Variants in PTK2 observed in about 807,000 individuals in gnomAD.
PTK2 encodes focal adhesion kinase 1.
Under a neutral mutation model 150.1 loss-of-function variants are expected in PTK2, and 45 were observed. The ratio of observed to expected loss-of-function variants is 0.30; its 90% CI spans 0.24 to 0.38. PTK2 has a LOEUF of 0.38. Ranked by LOEUF, PTK2 falls within the 10% of genes least tolerant of loss-of-function variation. The pLI is 1.00. For missense variants in PTK2, 919 were observed against 1,307.3 expected (o/e 0.70, Z 4.58); for synonymous variants, 432 against 449.2 (o/e 0.96, Z 0.48).
intron 10 of PTK2, among the ~76,000 whole-genome samples, chr8:140,815,689 A>C (rs1250691875): frequency 6.6e-6 from 1 of 152,144 alleles, no homozygotes; most frequent in African/African-American, 2.4e-5. Context: ...TAGTTGCAAA[A>C]ATTCTACAAA....
intron 1 of PTK2, among the ~76,000 whole-genome samples, chr8:140,942,748 A>G (rs1255357387): frequency 6.6e-6 from 1 of 152,202 alleles, no homozygotes; most frequent in Non-Finnish European, 1.5e-5. Flanking sequence ...AACGTGCACA[A>G]TAAAAACATC....
chr8:140,717,259 A>C (rs1472886983), intron 23 of PTK2, among the ~76,000 whole-genome samples: 1 of 152,234 alleles, frequency 6.6e-6, no homozygotes, highest in Admixed American at 6.5e-5. Context: ...CTAGTCTGGT[A>C]TTTTAATCCA....
chr8:140,748,116 T>C (rs2100060521), intron 17 of PTK2, among the ~76,000 whole-genome samples: 1 of 152,090 alleles, frequency 6.6e-6, no homozygotes, highest in Non-Finnish European at 1.5e-5. Context: ...TCACAAAGGA[T>C]TTCTATCTTA....
intron 7 of PTK2, among the ~76,000 whole-genome samples, chr8:140,844,800 C>CAGAA (rs1158555072): frequency 6.6e-6 from 1 of 152,160 alleles, no homozygotes; most frequent in Non-Finnish European, 1.5e-5. Flanking sequence ...TTTGTCATTT[C>CAGAA]ATAACAGTGA....
chr8:140,917,782 C>T (rs2100165886), intron 2 of PTK2, among the ~76,000 whole-genome samples: 1 of 151,972 alleles, frequency 6.6e-6, no homozygotes, highest in Admixed American at 6.6e-5. Context: ...TAATAGAAGA[C>T]AGAAATCCAA....
At chr8:140,716,774 G>C (rs896970070) in intron 23 of PTK2, among the ~76,000 whole-genome samples, 1 of 152,160 alleles carries the variant, frequency 6.6e-6, no homozygotes, top group Admixed American at 6.5e-5. Flanking sequence ...AATGGTGGTA[G>C]TTAATAACTA....
chr8:140,954,973 AC>A (rs2100180755), intron 1 of PTK2: 1 of 152,180 alleles, frequency 6.6e-6, no homozygotes, highest in Non-Finnish European at 1.5e-5. Flanking sequence ...ATGAAGAATA[AC>A]AAATTTGGAA....
chr8:140,798,848 A>G (rs928931581), intron 12 of PTK2, among the ~76,000 whole-genome samples: 6 of 152,250 alleles, frequency 3.9e-5, no homozygotes, highest in Non-Finnish European at 8.8e-5. Flanking sequence ...AAAGTGCGAC[A>G]CTGGAAGAAG....
At chr8:140,814,177 A>G (rs2100103320) in intron 10 of PTK2, among the ~76,000 whole-genome samples, 1 of 152,202 alleles carries the variant, frequency 6.6e-6, no homozygotes, top group African/African-American at 2.4e-5. Flanking sequence ...CTACCAACCC[A>G]ATAAAGCCCA....
chr8:140,909,187 G>T, intron 2 of PTK2: 1 of 154,326 alleles, frequency 6.5e-6, no homozygotes, highest in Non-Finnish European at 1.5e-5. Flanking sequence ...GAAGGGGAAG[G>T]GGAAGGGAAG....
chr8:140,848,006 G>A (rs149168892), intron 5 of PTK2, among the ~76,000 whole-genome samples: 1 of 152,268 alleles, frequency 6.6e-6, no homozygotes, highest in East Asian at 1.9e-4. Context: ...CCCAAGCCAC[G>A]TTGAACCTAC....
At chr8:140,810,648 C>T (rs1445645665) in intron 10 of PTK2, among the ~76,000 whole-genome samples, 1 of 152,168 alleles carries the variant, frequency 6.6e-6, no homozygotes, top group Non-Finnish European at 1.5e-5. Flanking sequence ...CAGGTATTGC[C>T]TTCCGTGCCT....
At chr8:140,849,117 C>T (rs1025044367) in intron 5 of PTK2, among the ~76,000 whole-genome samples, 1 of 152,138 alleles carries the variant, frequency 6.6e-6, no homozygotes, top group African/African-American at 2.4e-5. Flanking sequence ...TTTCCTATAG[C>T]TTTAATCTCG....
rs534624182 is a variant in PTK2 at position 140,924,348 on chromosome 8, T to C, written c.-33+1313A>G. Among the ~76,000 whole-genome samples the C allele has an allele frequency of 3.9e-5, 6 of 152,312 alleles. No homozygotes were observed. The South Asian group carries it at 1.0e-3, about 26-fold the overall frequency. ...CTTCATTTTATTCCCACAGCACTTATACCTTCTAAAACACCTCATGATTTA... is the reference window on the plus strand; with the variant it reads ...CTTCATTTTATTCCCACAGCACTTACACCTTCTAAAACACCTCATGATTTA... On this transcript the variant is annotated intron_variant, in intron 2 of 31. Transcript: ENST00000522684.
At chr8:140,801,375 GACC>G (rs756676987) in intron 11 of PTK2, among the ~76,000 whole-genome samples, 3 of 152,330 alleles carry the variant, frequency 2.0e-5, no homozygotes, top group Middle Eastern at 6.8e-3. Flanking sequence ...TTGCAGAAAG[GACC>G]ACATTAGGTA....
chr8:140,697,852 G>GT lies in PTK2; in HGVS notation c.2499+3038dup, dbSNP rs71308981. On this transcript the variant is annotated intron_variant, in intron 26 of 31. Coordinates refer to ENST00000522684, the Ensembl canonical transcript of PTK2. ...GATCCTCCTCCCTTTAGGGTTTACT[G>GT]TTTTTTTTTTTTTTTTTTTTTTTTT... Among the ~76,000 whole-genome samples the GT allele has an allele frequency of 1.5e-3, 73 of 48,022 alleles. 11 individuals carry two copies. In the East Asian group the frequency reaches 0.02, roughly 13 times the overall value. 31.5% of individuals were successfully genotyped at this position (48,022 alleles called of 152,430 possible). A position where few individuals can be genotyped will look rare whatever the true frequency, so the allele number is the denominator to read the frequency against.
intron 17 of PTK2, 55 bp from the exon 21 acceptor site, chr8:140,746,915 G>T: frequency 2.7e-6 from 3 of 1,113,882 alleles, no homozygotes; most frequent in Non-Finnish European, 3.9e-6. Flanking sequence ...TTTTTTAGAC[G>T]GAGTCTCATT....
chr8:140,896,788 C>CA (rs1491515271), intron 2 of PTK2, among the ~76,000 whole-genome samples: 4 of 67,302 alleles, frequency 5.9e-5, no homozygotes, highest in African/African-American at 1.5e-4. Context: ...CCCAAAAAAA[C>CA]GGGGGGGGGG....
Position 140,779,270 on chromosome 8 carries a change from AAAAG to A in PTK2, c.1177+10200_1177+10203del, listed in dbSNP as rs2100080303. Among the ~76,000 whole-genome samples the A allele has an allele frequency of 3.3e-5, 5 of 151,730 alleles. No homozygotes were observed. In the South Asian group the frequency reaches 1.0e-3, roughly 32 times the overall value. ...GAAAAAAAAAAAAAAGAAAAAAAAAAAAAGAAGACATGCTGGAGGAATTGCCTAC... is the reference window on the plus strand; with the variant it reads ...GAAAAAAAAAAAAAAGAAAAAAAAAAAAGACATGCTGGAGGAATTGCCTAC... On this transcript the variant is annotated intron_variant, in intron 14 of 31. Coordinates refer to ENST00000522684, the Ensembl canonical transcript of PTK2.
Sources: gnomAD v4.1 joint callset for allele counts (sites outside exome capture counted in the v4.1 genomes callset) on GRCh38, gnomAD v4.1.1 for gene constraint, MANE v1.5 for transcripts, NCBI Gene and HGNC (gene_info 2026-07-23, HGNC 2026-07-21) for gene names.